Variants in RP1 observed in about 807,000 individuals in gnomAD.
RP1 encodes the protein RP1 axonemal microtubule associated, also known as oxygen-regulated protein 1.
Under a neutral mutation model 14.8 loss-of-function variants are expected in RP1, and 16 were observed. That is an observed-to-expected ratio of 1.08 (90% confidence interval 0.73 to 1.65). The LOEUF is 1.65. Ranked by LOEUF, RP1 falls within the 40% of genes most tolerant of loss-of-function variation. The probability of loss-of-function intolerance (pLI) is 0.00; values close to 1 mark genes in which losing one functional copy is unlikely to be tolerated. For synonymous variants in RP1, 876 were observed against 883.6 expected, an observed-to-expected ratio of 0.99 and a Z score of 0.15; for missense variants, 2,631 against 2,535.0, an observed-to-expected ratio of 1.04 and a Z score of -0.81.
chr8:54,851,611 G>A (rs897521294), intron 25 of RP1, among the ~76,000 whole-genome samples: 1 of 152,174 alleles, frequency 6.6e-6, no homozygotes, highest in African/African-American at 2.4e-5. Flanking sequence ...CTAAATTCAT[G>A]AGAAGTGTTC....
chr8:54,620,148 A>G (rs930106243), intron 1 of RP1, among the ~76,000 whole-genome samples: 2 of 152,166 alleles, frequency 1.3e-5, no homozygotes, highest in Admixed American at 6.5e-5. Context: ...AGAGATAACC[A>G]CCATCAACAC....
At chr8:54,750,535 G>C (rs1809335005) in intron 19 of RP1, among the ~76,000 whole-genome samples, 1 of 152,144 alleles carries the variant, frequency 6.6e-6, no homozygotes, top group South Asian at 2.1e-4. Context: ...GGTCAAGTGG[G>C]GACTTGGAGA....
At chr8:54,584,697 C>T (rs1804877587) in intron 1 of RP1, among the ~76,000 whole-genome samples, 1 of 152,150 alleles carries the variant, frequency 6.6e-6, no homozygotes, top group South Asian at 2.1e-4. Context: ...GTATTGGGTG[C>T]ATATATATTT....
chr8:54,694,101 A>G (rs1027501913), intron 12 of RP1, among the ~76,000 whole-genome samples: 5 of 151,960 alleles, frequency 3.3e-5, no homozygotes, highest in South Asian at 2.1e-4. Context: ...CTTTGGTTCT[A>G]TTTATATGCT....
At chr8:54,804,448 T>C (rs1021374711) in intron 24 of RP1, among the ~76,000 whole-genome samples, 3 of 152,182 alleles carry the variant, frequency 2.0e-5, no homozygotes, top group Non-Finnish European at 4.4e-5. Flanking sequence ...ATGGATGACC[T>C]GAGACTGTTG....
rs763561105 is a variant in RP1 at position 54,626,373 on chromosome 8, A to G, written c.2491A>G (p.Lys831Glu). The change falls in exon 4 of 4, where the codon AAA becomes GAA. Residue 831 changes from lysine (K) to glutamate (E), a missense_variant. Physicochemically the swap from Lys to Glu is moderately conservative, Grantham distance 56 (BLOSUM62 1). Coordinates refer to ENST00000220676, the MANE Select transcript of RP1 (RefSeq NM_006269.2). Reference protein sequence around the residue: ...HVFNILEQKPKDFYAPQSQAE... With the variant: ...HVFNILEQKPEDFYAPQSQAE... ...ATTTAACATCCTTGAGCAAAAACCC[A>G]AAGATTTTTATGCACCGCAATCTCA... The G allele has an allele frequency of 5.6e-6, 9 of 1,613,660 alleles. No individual in the cohort carries two copies. The South Asian group carries it at 8.8e-5, about 16-fold the overall frequency.
chr8:54,582,964 C>T (rs1465759626), intron 1 of RP1, among the ~76,000 whole-genome samples: 1 of 152,164 alleles, frequency 6.6e-6, no homozygotes, highest in African/African-American at 2.4e-5. Context: ...ATTTGACTTC[C>T]TCTTTTCCTA....
chr8:54,862,346 C>T (rs551304387), intron 27 of RP1, among the ~76,000 whole-genome samples: 2 of 152,260 alleles, frequency 1.3e-5, no homozygotes, highest in African/African-American at 4.8e-5. Flanking sequence ...TTTGCCTTTA[C>T]TTTACGTAAG....
At chr8:54,686,896 C>G (rs899530733) in intron 12 of RP1, among the ~76,000 whole-genome samples, 3 of 151,968 alleles carry the variant, frequency 2.0e-5, no homozygotes, top group African/African-American at 7.2e-5. Flanking sequence ...TTGATTCATG[C>G]TACTAAAATG....
intron 24 of RP1, among the ~76,000 whole-genome samples, chr8:54,830,705 A>G (rs1425794449): frequency 6.6e-6 from 1 of 152,182 alleles, no homozygotes; most frequent in East Asian, 1.9e-4. Flanking sequence ...TTGAGTTGAA[A>G]TTCACATAGC....
intron 24 of RP1, among the ~76,000 whole-genome samples, chr8:54,829,602 C>T (rs2129400680): frequency 6.6e-6 from 1 of 152,148 alleles, no homozygotes; most frequent in Non-Finnish European, 1.5e-5. Flanking sequence ...TATAAGGAGG[C>T]TCTCTGGATG....
upstream of RP1, among the ~76,000 whole-genome samples, chr8:54,615,339 C>G (rs1805690212): frequency 1.3e-5 from 2 of 152,146 alleles, no homozygotes; most frequent in Admixed American, 6.5e-5. Context: ...CCTGTTTCCC[C>G]AGAGGACCCC....
In RP1 at chr8:54,855,657, A is replaced by G. The variant is rs1048841316; in HGVS notation, c.3991-1371A>G. 1.5e-4 allele frequency among the ~76,000 whole-genome samples: 23 copies of G among 152,318 alleles called. 1 individual carries two copies. The highest frequency in any genetic ancestry group is 6.8e-3 in the Middle Eastern group (2 of 294). Reference sequence around the variant, plus strand: ...CACAGAGCAACAAGAAAAAGACAGAAAACCCTATTTAAAACATGGGCATGA... The same window carrying G: ...CACAGAGCAACAAGAAAAAGACAGAGAACCCTATTTAAAACATGGGCATGA... On this transcript the variant is annotated intron_variant, in intron 26 of 28. Transcript: ENST00000637698.
chr8:54,750,208 G>C (rs1809323201), intron 19 of RP1, among the ~76,000 whole-genome samples: 1 of 152,174 alleles, frequency 6.6e-6, no homozygotes, highest in African/African-American at 2.4e-5. Flanking sequence ...TCCAATCTCT[G>C]AGATTAATTT....
chr8:54,627,831 CA>C lies in RP1; in HGVS notation c.3953del (p.Lys1318ArgfsTer28), dbSNP rs1656592285. 1 of 1,614,014 alleles carries C rather than the reference CA, an allele frequency of 6.2e-7. No homozygotes were observed. Among genetic ancestry groups the C allele is most frequent in the Non-Finnish European group, 8.5e-7 (1 of 1,179,980 alleles). On this transcript the variant is annotated frameshift_variant, in exon 4 of 4. Coordinates refer to ENST00000220676, the MANE Select transcript of RP1 (RefSeq NM_006269.2). LOFTEE classifies it low-confidence loss of function (END_TRUNC). ...DTVFSDKACA[Q>X]KENHTYEGAC... ...TGTGTTTTCTGATAAGGCTTGTGCT[CA>C]AAAGGAGAACCATACCTATGAGGGA...
intron 24 of RP1, among the ~76,000 whole-genome samples, chr8:54,824,250 T>C (rs1450708949): frequency 6.6e-6 from 1 of 152,030 alleles, no homozygotes; most frequent in Non-Finnish European, 1.5e-5. Context: ...ATTGCAGACG[T>C]TGAAAAGAAA....
chr8:54,596,178 C>T (rs564599598), intron 1 of RP1, among the ~76,000 whole-genome samples: 73 of 152,240 alleles, frequency 4.8e-4, no homozygotes, highest in Non-Finnish European at 9.6e-4. Context: ...TAATCAGGAT[C>T]GCTGTGAATT....
intron 1 of RP1, among the ~76,000 whole-genome samples, chr8:54,584,245 C>T (rs1015886034): frequency 6.6e-6 from 1 of 152,188 alleles, no homozygotes; most frequent in South Asian, 2.1e-4. Flanking sequence ...TTTCTGTCTT[C>T]ATTTCGTTAT....
Position 54,621,034 on chromosome 8 carries a change from C to T in RP1, c.68C>T (p.Pro23Leu). 6.2e-7 allele frequency: 1 copy of T among 1,614,102 alleles called. No individual in the cohort carries two copies. Among genetic ancestry groups the T allele is most frequent in the Non-Finnish European group, 8.5e-7 (1 of 1,180,020 alleles). The change falls in exon 2 of 4, where the codon CCC becomes CTC. Residue 23 changes from proline (P) to leucine (L), a missense_variant. Physicochemically the swap from Pro to Leu is moderately conservative, Grantham distance 98. Transcript: ENST00000220676. ...ACGTCTTCTGAAGGTCAAGTTCCAC[C>T]CCCTCGCCATTTGAGCCTCACTCAT... ...HPTSSEGQVPPPRHLSLTHPV... is the reference protein window; with the variant it reads ...HPTSSEGQVPLPRHLSLTHPV...
Sources: allele counts gnomAD v4.1 joint callset (sites outside exome capture counted in the v4.1 genomes callset), GRCh38; gene constraint gnomAD v4.1.1; transcripts MANE v1.5; gene names NCBI Gene and HGNC (gene_info 2026-07-23, HGNC 2026-07-21).